MT4: variants seen among roughly 807,000 people sequenced by gnomAD.
MT4 encodes the protein metallothionein-4.
MT4 carries 11 observed loss-of-function variants against 9.5 expected under a neutral mutation model. That is an observed-to-expected ratio of 1.16 (90% CI 0.73 to 1.92). The LOEUF (loss-of-function observed/expected upper bound fraction) is 1.92. MT4 is among the 30% of genes most tolerant of loss of function. MT4 has a pLI of 0.00. For missense variants in MT4, 88 were observed against 78.7 expected (o/e 1.12, Z -0.45); for synonymous variants, 29 against 24.6 (o/e 1.18, Z -0.53).
chr16:56,565,251 C>G (rs1346012362), intron 1 of MT4, 92 bp downstream of exon 1: 4 of 1,437,170 alleles, frequency 2.8e-6, no homozygotes, highest in African/African-American at 1.4e-5. Context: ...TCTCTTCCCT[C>G]TAATTAGGAG....
rs750393058 is a variant in MT4, at chr16:56,567,823, A to G, written c.97+7A>G. 8.7e-6 allele frequency: 14 copies of G among 1,610,358 alleles called. No individual in the cohort carries two copies. Among genetic ancestry groups the G allele is most frequent in the Admixed American group, 1.7e-5 (1 of 59,936 alleles). On this transcript the variant is annotated splice_region_variant and intron_variant, in intron 2 of 2. Transcript: ENST00000219162. ...TGTAAAACATATTGGAAGAGTGAGT[A>G]TGGTGACTGGGGGCACCATGGGCTG...
intron 1 of MT4, among the ~76,000 whole-genome samples, chr16:56,566,777 A>G (rs71375904): frequency 0.052 from 1,592 of 30,832 alleles, 63 homozygotes; most frequent in Middle Eastern, 0.1. Flanking sequence ...AAGGAAAGAA[A>G]GAAAGAAAGA....
chr16:56,568,213 GAGAAAGAAAGAAAGAAAGAA>G (rs796608259), intron 2 of MT4, among the ~76,000 whole-genome samples: 7 of 44,246 alleles, frequency 1.6e-4, no homozygotes, highest in Admixed American at 4.9e-4. Context: ...GAGAGAGAGA[GAGAAAGAAAGAAAGAAAGAA>G]AGAAAGAAAG....
intron 1 of MT4, among the ~76,000 whole-genome samples, chr16:56,566,586 AAGAG>A (rs1190731831): frequency 2.1e-5 from 3 of 145,808 alleles, no homozygotes; most frequent in African/African-American, 7.6e-5. Flanking sequence ...GGGAGAAAGG[AAGAG>A]AGAGAGAGAG....
intron 1 of MT4, among the ~76,000 whole-genome samples, chr16:56,566,769 G>GGAAAGAAAGAAAGAAA (rs1162747493): frequency 2.7e-5 from 1 of 36,938 alleles, no homozygotes; most frequent in African/African-American, 7.9e-5. Context: ...AAGGAAGGAA[G>GGAAAGAAAGAAAGAAA]GAAAGAAAGA....
rs1167217351 is a variant in MT4 at position 56,568,842 on chromosome 16, C to G, written c.99C>G (p.Ser33Arg). ...TTCNCKTYWKSCCPCCPPGCA... is the reference protein window; with the variant it reads ...TTCNCKTYWKRCCPCCPPGCA... ...CTGCGCATCTCCTGACTCTTTCAGGCTGCTGTCCCTGCTGCCCCCCGGGCT... is the reference window on the plus strand; with the variant it reads ...CTGCGCATCTCCTGACTCTTTCAGGGTGCTGTCCCTGCTGCCCCCCGGGCT... Residue 33 changes from serine to arginine, a missense_variant and splice_region_variant, in exon 3 of 3, where the codon AGC (serine) becomes AGG (arginine). Physicochemically the swap from Ser to Arg is moderately radical, Grantham distance 110 (BLOSUM62 -1). Coordinates refer to ENST00000219162, the MANE Select transcript of MT4 (RefSeq NM_032935.3). The G allele has an allele frequency of 6.3e-7, 1 of 1,597,570 alleles. No homozygotes were observed. Among genetic ancestry groups the G allele is most frequent in the East Asian group, 2.3e-5 (1 of 44,352 alleles).
chr16:56,565,219 CTGCAGG>C, intron 1 of MT4, 60 bp downstream of exon 1: 1 of 1,559,260 alleles, frequency 6.4e-7, no homozygotes, highest in Non-Finnish European at 8.7e-7. Context: ...TACAGGGAGC[CTGCAGG>C]TCCCTGATGA....
chr16:56,567,032 T>A (rs1959545456), intron 1 of MT4, among the ~76,000 whole-genome samples: 1 of 152,028 alleles, frequency 6.6e-6, no homozygotes, highest in African/African-American at 2.4e-5. Context: ...TTTGTTTGTT[T>A]GTTTGTTTTA....
intron 1 of MT4, among the ~76,000 whole-genome samples, chr16:56,566,560 G>A (rs1367438348): frequency 6.8e-6 from 1 of 146,104 alleles, no homozygotes; most frequent in African/African-American, 2.6e-5. Context: ...GAAACAAGGA[G>A]AGAGAAAGGG....
chr16:56,566,281 G>C (rs1959516569), intron 1 of MT4, among the ~76,000 whole-genome samples: 1 of 151,792 alleles, frequency 6.6e-6, no homozygotes, highest in Non-Finnish European at 1.5e-5. Flanking sequence ...CCTGGCACTT[G>C]GGGAGTCCAA....
intron 2 of MT4, among the ~76,000 whole-genome samples, chr16:56,568,308 A>C (rs957558367): frequency 1.6e-4 from 24 of 145,838 alleles, no homozygotes; most frequent in African/African-American, 5.9e-4. Flanking sequence ...AAAGAAAGAA[A>C]GAAAGAAAGA....
At chr16:56,568,800 G>A in intron 2 of MT4, 41 bp from the exon 3 acceptor site, 1 of 1,415,290 alleles carries the variant, frequency 7.1e-7, no homozygotes, top group Non-Finnish European at 9.7e-7. Context: ...AGATGGAAGT[G>A]TTGACCCACA....
chr16:56,568,375 T>C (rs1959581822), intron 2 of MT4, among the ~76,000 whole-genome samples: 1 of 151,326 alleles, frequency 6.6e-6, no homozygotes, highest in African/African-American at 2.4e-5. Flanking sequence ...CCATGGTGGA[T>C]TGGGGCTTGT....
At chr16:56,565,225 G>T in intron 1 of MT4, 66 bp downstream of exon 1, 1 of 1,559,006 alleles carries the variant, frequency 6.4e-7, no homozygotes, top group Non-Finnish European at 8.7e-7. Flanking sequence ...GAGCCTGCAG[G>T]TCCCTGATGA....
chr16:56,566,726 GAAAGAAAGAA>G (rs1959526763), intron 1 of MT4, among the ~76,000 whole-genome samples: 1 of 46,928 alleles, frequency 2.1e-5, no homozygotes, highest in Non-Finnish European at 4.2e-5. Context: ...AAGAAAGAAA[GAAAGAAAGAA>G]AGAAAGAAAG....
At position 56,567,767 on chromosome 16, in the gene MT4, T is replaced by C. The variant is rs377703326; in HGVS notation, c.48T>C (p.Cys16=). Residue 16 remains cysteine (C), a synonymous_variant, in exon 2 of 3, where the codon TGT becomes TGC. Transcript: ENST00000219162. ...CVCMSGGICM[C]GDNCKCTTCN... ...GTCTTCTAGGAGGAATCTGCATGTG[T>C]GGAGACAACTGCAAATGCACAACCT... The C allele has an allele frequency of 1.9e-6, 3 of 1,613,338 alleles. No homozygotes were observed. The highest frequency in any genetic ancestry group is 1.3e-5 in the African/African-American group (1 of 74,908).
rs367703241 is a variant in MT4, at chr16:56,565,110, C to G, written c.-19C>G. 1.6e-4 allele frequency: 263 copies of G among 1,612,934 alleles called. No individual in the cohort carries two copies. The highest frequency in any genetic ancestry group is 2.2e-4 in the Non-Finnish European group (258 of 1,179,546). ...TTCCCCAGCCGTGACAGCACTGGAG[C>G]CTTTCGGACACCTGGACCATGGACC... On this transcript the variant is annotated 5_prime_UTR_variant, in exon 1 of 3. Transcript: ENST00000219162.
chr16:56,566,775 A>G (rs1476904603), intron 1 of MT4, among the ~76,000 whole-genome samples: 4 of 23,024 alleles, frequency 1.7e-4, no homozygotes, highest in African/African-American at 2.8e-4. Flanking sequence ...GGAAGGAAAG[A>G]AAGAAAGAAA....
At chr16:56,565,492 T>C (rs1165330012) in intron 1 of MT4, among the ~76,000 whole-genome samples, 1 of 152,174 alleles carries the variant, frequency 6.6e-6, no homozygotes, top group Non-Finnish European at 1.5e-5. Flanking sequence ...TTTGGGTCCA[T>C]TGCTGCGGTC....
Sources: allele counts gnomAD v4.1 joint callset (sites outside exome capture counted in the v4.1 genomes callset), GRCh38; gene constraint gnomAD v4.1.1; transcripts MANE v1.5; gene names NCBI Gene and HGNC (gene_info 2026-07-23, HGNC 2026-07-21).